Variants in TAB3 observed in about 807,000 individuals in gnomAD.
TAB3 encodes TGF-beta-activated kinase 1 and MAP3K7-binding protein 3.
In TAB3, 18 loss-of-function variants were observed where a neutral mutation model predicts 48.1. The ratio of observed to expected loss-of-function variants is 0.37; its 90% CI spans 0.26 to 0.55. The LOEUF is 0.55. TAB3 is among the 20% of genes least tolerant of loss of function. The probability of loss-of-function intolerance (pLI) is 0.78; values close to 1 mark genes in which losing one functional copy is unlikely to be tolerated. For missense variants in TAB3, 414 were observed against 549.8 expected, an observed-to-expected ratio of 0.75 and a Z score of 2.47; for synonymous variants, 185 against 190.2, an observed-to-expected ratio of 0.97 and a Z score of 0.22.
intron 9 of TAB3, among the ~76,000 whole-genome samples, chrX:30,838,209 C>T (rs1045831363): frequency 6.3e-5 from 7 of 111,900 alleles, no homozygotes; most frequent in East Asian, 2.8e-4. Context: ...GCAATCCTAC[C>T]GCCTCAGCCA....
intron 1 of TAB3, among the ~76,000 whole-genome samples, chrX:30,885,675 G>C (rs774293657): frequency 8.9e-6 from 1 of 111,901 alleles, no homozygotes; most frequent in South Asian, 3.7e-4. Context: ...AGTGTACAGT[G>C]CCTGTTCCTG....
At chrX:30,833,661 C>G (rs1390609257) in intron 10 of TAB3, among the ~76,000 whole-genome samples, 1 of 109,181 alleles carries the variant, frequency 9.2e-6, no homozygotes, top group Non-Finnish European at 1.9e-5. Flanking sequence ...GAAACCCCGT[C>G]TCTACTAAAA....
chrX:30,863,568 A>G (rs1939316613), intron 4 of TAB3, among the ~76,000 whole-genome samples: 1 of 111,518 alleles, frequency 9.0e-6, no homozygotes, highest in Non-Finnish European at 1.9e-5. Flanking sequence ...CTGATTGTTT[A>G]AAACTCTAGG....
At chrX:30,849,318 G>T (rs1395545333) in intron 7 of TAB3, among the ~76,000 whole-genome samples, 1 of 112,213 alleles carries the variant, frequency 8.9e-6, no homozygotes, top group Non-Finnish European at 1.9e-5. Flanking sequence ...CTTAGAAAAA[G>T]ATTATTTCAC....
chrX:30,868,584 TATAGAGAG>T (rs1354782548), intron 2 of TAB3, among the ~76,000 whole-genome samples: 1 of 10,691 alleles, frequency 9.4e-5, no homozygotes, highest in South Asian at 3.8e-3. Context: ...TATATATATA[TATAGAGAG>T]AGAGAGAGAG....
rs756101015 is a variant in TAB3 at position 30,843,056 on chromosome X, A to C, written c.1805-7T>G. The C allele has an allele frequency of 9.3e-6, 10 of 1,078,169 alleles. No individual in the cohort carries two copies. The East Asian group carries it at 3.1e-4, about 33-fold the overall frequency. The allele number at this position is 1,078,169 out of a possible 1,213,427, so 88.9% of individuals were successfully genotyped here. A position where few individuals can be genotyped will look rare whatever the true frequency, so the allele number is the denominator to read the frequency against. ...GCTTTTGGATCAAAGTTTCCTATAAAGAAAGTAAATTCATCAGGCATTTAA... is the reference window on the plus strand; with the variant it reads ...GCTTTTGGATCAAAGTTTCCTATAACGAAAGTAAATTCATCAGGCATTTAA... On this transcript the variant is annotated splice_polypyrimidine_tract_variant and splice_region_variant and intron_variant, in intron 8 of 10. Transcript: ENST00000288422.
In TAB3 at chrX:30,859,532, A is replaced by G. The variant is rs766633118; in HGVS notation, c.57T>C (p.Arg19=). Residue 19 remains arginine (R), a synonymous_variant, in exon 5 of 11, where the codon CGT becomes CGC. Coordinates refer to ENST00000288422, the MANE Select transcript of TAB3 (RefSeq NM_152787.5). ...DIQVLHDLRQ[R]FPEIPEGVVS... is the part of the protein sequence containing the mutation. ...CCACGCCCTCTGGAATTTCAGGGAA[A>G]CGTTGTCGAAGATCATGGAGAACCT... 8.3e-7 allele frequency: 1 copy of G among 1,210,757 alleles called. No individual in the cohort carries two copies.
intron 1 of TAB3, among the ~76,000 whole-genome samples, chrX:30,885,701 T>C (rs1478454626): frequency 8.9e-6 from 1 of 111,947 alleles, no homozygotes; most frequent in Non-Finnish European, 1.9e-5. Context: ...CGTGGGCTTT[T>C]ACCAACTTTC....
chrX:30,848,274 G>A (rs182254590), intron 7 of TAB3, among the ~76,000 whole-genome samples: 1,386 of 112,022 alleles, frequency 0.012, 13 homozygotes, highest in Middle Eastern at 0.032. Context: ...CTGTAATCCC[G>A]GCACTTTGGG....
intron 1 of TAB3, among the ~76,000 whole-genome samples, chrX:30,881,250 C>A (rs1346607959): frequency 9.0e-6 from 1 of 110,699 alleles, no homozygotes; most frequent in Non-Finnish European, 1.9e-5. Context: ...ATTTCTTGAT[C>A]TGGGTGCTAG....
chrX:30,865,727 G>T (rs892346360), intron 4 of TAB3, among the ~76,000 whole-genome samples: 3 of 112,172 alleles, frequency 2.7e-5, no homozygotes, highest in Non-Finnish European at 5.6e-5. Flanking sequence ...TTATTCTTCT[G>T]TACTACTGGC....
chrX:30,888,488 C>T (rs1206708110), intron 1 of TAB3, among the ~76,000 whole-genome samples: 5 of 112,471 alleles, frequency 4.4e-5, no homozygotes, highest in African/African-American at 1.3e-4. Flanking sequence ...CCTGCTTTTA[C>T]GCACTTTATG....
intron 9 of TAB3, chrX:30,836,481 C>G (rs1184308073): frequency 9.0e-6 from 1 of 111,520 alleles, no homozygotes; most frequent in East Asian, 2.8e-4. Flanking sequence ...AACCGAAATC[C>G]CATTATAACT....
At chrX:30,876,575 G>A (rs1226347943) in intron 1 of TAB3, among the ~76,000 whole-genome samples, 1 of 111,343 alleles carries the variant, frequency 9.0e-6, no homozygotes, top group Non-Finnish European at 1.9e-5. Context: ...GCGTGATCAC[G>A]GCTCACTGCA....
chrX:30,852,788 G>A lies in TAB3; in HGVS notation c.1700C>T (p.Ala567Val), dbSNP rs752852470. 4 of 1,207,843 alleles carry A rather than the reference G, an allele frequency of 3.3e-6. No homozygotes were observed. The highest frequency in any genetic ancestry group is 1.8e-5 in the South Asian group (1 of 56,469). ...RRLRRVSCTT[A>V]IPTPEEMTRL... is the part of the protein sequence containing the mutation. ...TAACAGATCACTTACCGTAGGGATCGCAGTGGTGCAGCTGACTCTTCTGAG... is the reference window on the plus strand; with the variant it reads ...TAACAGATCACTTACCGTAGGGATCACAGTGGTGCAGCTGACTCTTCTGAG... Residue 567 changes from alanine (A) to valine (V), a missense_variant, in exon 7 of 11, where the codon GCG becomes GTG. Ala to Val is a moderately conservative substitution (Grantham distance 64). Coordinates refer to ENST00000288422, the MANE Select transcript of TAB3 (RefSeq NM_152787.5).
At chrX:30,882,241 A>G (rs5972256) in intron 1 of TAB3, among the ~76,000 whole-genome samples, 23,813 of 111,482 alleles carry the variant, frequency 0.21, 1,998 homozygotes, top group Admixed American at 0.34. Context: ...GTTCTAAATT[A>G]CTGAAATTAT....
At chrX:30,842,364 C>T (rs1938479456) in intron 9 of TAB3, among the ~76,000 whole-genome samples, 1 of 111,685 alleles carries the variant, frequency 9.0e-6, no homozygotes, top group South Asian at 3.7e-4. Context: ...TCTATTCTCA[C>T]ATTAGACCTT....
At chrX:30,884,231 T>C (rs1428387696) in intron 1 of TAB3, among the ~76,000 whole-genome samples, 1 of 111,803 alleles carries the variant, frequency 8.9e-6, no homozygotes, top group African/African-American at 3.3e-5. Flanking sequence ...TCTTCGAAAG[T>C]AGCTAAAGTA....
chrX:30,875,383 A>G (rs995917147), intron 1 of TAB3, among the ~76,000 whole-genome samples: 8 of 111,907 alleles, frequency 7.1e-5, no homozygotes, highest in African/African-American at 2.3e-4. Flanking sequence ...ATTTACATAG[A>G]AGGAAAAAAG....
Sources: allele counts gnomAD v4.1 joint callset (sites outside exome capture counted in the v4.1 genomes callset), GRCh38; gene constraint gnomAD v4.1.1; transcripts MANE v1.5; gene names NCBI Gene and HGNC (gene_info 2026-07-23, HGNC 2026-07-21).